Variants in ITGB2 observed in about 807,000 individuals in gnomAD.
The protein encoded by ITGB2 is integrin subunit beta 2.
In ITGB2, 56 loss-of-function variants were observed where a neutral mutation model predicts 86.8. The observed-to-expected ratio is 0.65, with a 90% CI of 0.52 to 0.81. ITGB2 has a LOEUF of 0.81. Ranked by LOEUF, ITGB2 falls within the 30% of genes least tolerant of loss-of-function variation. The pLI is 0.00. For synonymous variants in ITGB2, 457 were observed against 450.4 expected (o/e 1.01, Z -0.19); for missense variants, 948 against 1,061.2 (o/e 0.89, Z 1.48).
intron 11 of ITGB2, 100 bp from the exon 12 acceptor site, chr21:44,890,322 C>T (rs1328160767): frequency 6.8e-7 from 1 of 1,480,676 alleles, no homozygotes; most frequent in Admixed American, 1.7e-5. Flanking sequence ...GTGGAGAACA[C>T]CCCTATGGCA....
chr21:44,899,002 T>G (rs2083908277), intron 8 of ITGB2, 65 bp downstream of exon 8: 1 of 1,300,304 alleles, frequency 7.7e-7, no homozygotes, highest in Non-Finnish European at 1.1e-6. Flanking sequence ...GCAGTGGCGC[T>G]GGGTCTGGCC....
At chr21:44,896,061 A>G (rs1271534860) in intron 8 of ITGB2, among the ~76,000 whole-genome samples, 1 of 151,658 alleles carries the variant, frequency 6.6e-6, no homozygotes, top group Non-Finnish European at 1.5e-5. Context: ...CTGCGGTGTG[A>G]GTGATCCCGC....
chr21:44,894,939 T>C (rs889777587), intron 9 of ITGB2, 32 bp downstream of exon 9: 3 of 1,448,662 alleles, frequency 2.1e-6, no homozygotes, highest in East Asian at 4.5e-5. Context: ...GGCCACCCCA[T>C]GGGTCCCAGC....
chr21:44,901,687 C>A lies in ITGB2; in HGVS notation c.546G>T (p.Thr182=), dbSNP rs775424893. The change falls in exon 6 of 16, where the codon ACG becomes ACT. Residue 182 remains threonine, a synonymous_variant. Transcript: ENST00000652462. ...VDKTVLPFVN[T]HPDKLRNPCP... ...ATGGGTTTCGCAGCTTATCAGGGTG[C>A]GTGTTCACGAACGGCAGCACGGTCT... 1 of 1,613,544 alleles carries A rather than the reference C, an allele frequency of 6.2e-7. No individual in the cohort carries two copies. The highest frequency in any genetic ancestry group is 8.5e-7 in the Non-Finnish European group (1 of 1,179,426).
intron 1 of ITGB2, 194 bp from the exon 2 acceptor site, chr21:44,910,979 T>G: frequency 8.1e-6 from 5 of 615,154 alleles, no homozygotes; most frequent in Non-Finnish European, 1.4e-5. Flanking sequence ...GATCCCGGGC[T>G]CAGCAGTGCG....
chr21:44,901,810 G>A, intron 5 of ITGB2, 77 bp from the exon 6 acceptor site: 2 of 1,495,530 alleles, frequency 1.3e-6, no homozygotes, highest in Non-Finnish European at 1.8e-6. Context: ...GGGGCACGAG[G>A]GCAAGCCTGT....
chr21:44,889,151 A>C (rs1382695890), intron 13 of ITGB2, 125 bp downstream of exon 13: 3 of 929,948 alleles, frequency 3.2e-6, no homozygotes. Context: ...CTCAGTCCAG[A>C]CGCACCCGCA....
chr21:44,916,644 G>A (rs568060129), intron 1 of ITGB2, among the ~76,000 whole-genome samples: 2 of 152,172 alleles, frequency 1.3e-5, no homozygotes, highest in East Asian at 3.9e-4. Context: ...GAGGCAGGCG[G>A]ATCACCTGAG....
chr21:44,903,560 G>A lies in ITGB2; in HGVS notation c.329-25C>T, dbSNP rs971768314. ...CCTGCCGGTGGGGACAGAACAAAAG[G>A]AGCCACACCTCACATCTCACACAGG... is the stretch of plus-strand genomic sequence containing the variant. On this transcript the variant is annotated intron_variant, in intron 4 of 15. Transcript: ENST00000652462. 3.1e-6 allele frequency: 5 copies of A among 1,613,444 alleles called. No individual in the cohort carries two copies. The South Asian group carries it at 5.5e-5, about 18-fold the overall frequency.
At chr21:44,925,092 A>G (rs2084354778), upstream of ITGB2, among the ~76,000 whole-genome samples, 1 of 151,974 alleles carries the variant, frequency 6.6e-6, no homozygotes, top group Admixed American at 6.6e-5. Flanking sequence ...GGGGATTGGT[A>G]CTAGTGCTCT....
In ITGB2 at chr21:44,902,274, C is replaced by T. The variant is rs145285473; in HGVS notation, c.500-541G>A. Among the ~76,000 whole-genome samples the T allele has an allele frequency of 1.4e-3, 215 of 152,300 alleles. 2 individuals are homozygous for T. The highest frequency in any genetic ancestry group is 4.8e-3 in the African/African-American group (200 of 41,556). On this transcript the variant is annotated intron_variant, in intron 5 of 15. Transcript: ENST00000652462. ...GTGCATGTGAGCATGTCTGTGTGCA[C>T]ATGTGGTCTTGCACGTGTGTATGAC...
chr21:44,909,397 T>C (rs760457), intron 3 of ITGB2: 100,846 of 152,212 alleles, frequency 0.66, 33,683 homozygotes, highest in South Asian at 0.76. Flanking sequence ...CTCTCCTGAC[T>C]TCCTCAGAAA....
chr21:44,893,248 C>CT (rs1180360472), intron 10 of ITGB2, 156 bp downstream of exon 10: 3 of 830,050 alleles, frequency 3.6e-6, no homozygotes, highest in Non-Finnish European at 5.9e-6. Context: ...CTGTGTGCCC[C>CT]TCCCTGCCCC....
intron 10 of ITGB2, among the ~76,000 whole-genome samples, chr21:44,892,604 C>CAAAAAAAAAAAAAAAAAAAAAAAA (rs11327948): frequency 1.4e-5 from 1 of 71,144 alleles, no homozygotes; most frequent in Non-Finnish European, 2.6e-5. Flanking sequence ...AACTCCATCT[C>CAAAAAAAAAAAAAAAAAAAAAAAA]AAAAAAAAAA....
chr21:44,900,848 G>A (rs1158001808), intron 6 of ITGB2, among the ~76,000 whole-genome samples: 4 of 152,224 alleles, frequency 2.6e-5, no homozygotes, highest in African/African-American at 4.8e-5. Flanking sequence ...GGAGGAAAAC[G>A]AGCCTGAGGG....
Position 44,910,376 on chromosome 21 carries a change from A to G in ITGB2, c.59-4T>C. The G allele has an allele frequency of 1.2e-6, 2 of 1,614,128 alleles. No individual in the cohort carries two copies. Among genetic ancestry groups the G allele is most frequent in the Non-Finnish European group, 1.7e-6 (2 of 1,180,012 alleles). ...TTCGTGCACTCCTGAGAGAGGACTGAGGGACGAGGCCGGCTGGTGAGTGGG... is the reference window on the plus strand; with the variant it reads ...TTCGTGCACTCCTGAGAGAGGACTGGGGGACGAGGCCGGCTGGTGAGTGGG... On this transcript the variant is annotated splice_polypyrimidine_tract_variant and splice_region_variant and intron_variant, in intron 2 of 15. Coordinates refer to ENST00000652462, the MANE Select transcript of ITGB2 (RefSeq NM_000211.5).
intron 2 of ITGB2, 83 bp from the exon 3 acceptor site, chr21:44,910,455 G>C (rs781495746): frequency 6.2e-6 from 10 of 1,602,232 alleles, no homozygotes; most frequent in Non-Finnish European, 8.5e-6. Flanking sequence ...GAAGGTCAGA[G>C]GAGGCCCAAA....
chr21:44,921,999 C>A (rs1321478104), upstream of ITGB2, among the ~76,000 whole-genome samples: 1 of 152,256 alleles, frequency 6.6e-6, no homozygotes, highest in Non-Finnish European at 1.5e-5. Context: ...GCTGGGATTA[C>A]TGGCGTGAGC....
At chr21:44,903,204 G>A (rs1601309582) in intron 5 of ITGB2, among the ~76,000 whole-genome samples, 161 bp downstream of exon 5, 1 of 152,120 alleles carries the variant, frequency 6.6e-6, no homozygotes, top group African/African-American at 2.4e-5. Context: ...TGGCAGGGAG[G>A]CAGGCCGACT....
Sources: gnomAD v4.1 joint callset for allele counts (sites outside exome capture counted in the v4.1 genomes callset) on GRCh38, gnomAD v4.1.1 for gene constraint, MANE v1.5 for transcripts, NCBI Gene and HGNC (gene_info 2026-07-23, HGNC 2026-07-21) for gene names.